Variants in POT1 observed in about 807,000 individuals in gnomAD.
POT1 encodes the protein protection of telomeres protein 1.
In POT1, 47 loss-of-function variants were observed where a neutral mutation model predicts 78.5. The observed-to-expected ratio is 0.60, with a 90% CI of 0.47 to 0.76. The LOEUF (loss-of-function observed/expected upper bound fraction) is 0.76, where lower values mean the gene tolerates loss of function less well. Among genes scored for constraint, POT1 ranks in the 30% least tolerant of loss-of-function variants. The pLI is 0.00. For missense variants in POT1, 646 were observed against 749.9 expected, an observed-to-expected ratio of 0.86 and a Z score of 1.62; for synonymous variants, 259 against 260.7, an observed-to-expected ratio of 0.99 and a Z score of 0.06.
chr7:124,902,529 T>G (rs1180411240), intron 3 of POT1, among the ~76,000 whole-genome samples: 1 of 152,086 alleles, frequency 6.6e-6, no homozygotes, highest in East Asian at 1.9e-4. Context: ...AAGGAAGCAC[T>G]AAACATGGAA....
At chr7:124,851,163 G>A (rs930828579) in intron 11 of POT1, among the ~76,000 whole-genome samples, 9 of 151,992 alleles carry the variant, frequency 5.9e-5, no homozygotes, top group Admixed American at 5.2e-4. Flanking sequence ...AGGCATGTTG[G>A]CATGTGCAGG....
At chr7:124,887,493 G>A (rs769402327) in intron 6 of POT1, among the ~76,000 whole-genome samples, 2 of 152,018 alleles carry the variant, frequency 1.3e-5, no homozygotes, top group South Asian at 2.1e-4. Flanking sequence ...TGACCAAAGA[G>A]TAGATTCCTA....
intron 6 of POT1, among the ~76,000 whole-genome samples, chr7:124,871,510 C>G (rs940156489): frequency 1.3e-5 from 2 of 151,954 alleles, no homozygotes; most frequent in Non-Finnish European, 2.9e-5. Context: ...GTAAATATGT[C>G]GTACAAATGA....
intron 6 of POT1, among the ~76,000 whole-genome samples, chr7:124,882,682 C>T (rs1440806672): frequency 8.0e-6 from 1 of 124,536 alleles, no homozygotes; most frequent in Non-Finnish European, 1.7e-5. Flanking sequence ...AAAGACTGTA[C>T]CACAAGTTTT....
At chr7:124,895,457 C>T (rs903306120) in intron 5 of POT1, among the ~76,000 whole-genome samples, 22 of 151,402 alleles carry the variant, frequency 1.5e-4, no homozygotes, top group African/African-American at 4.1e-4. Context: ...AGTTAACTAG[C>T]GGACAAAAAT....
intron 9 of POT1, 112 bp from the exon 10 acceptor site, chr7:124,853,250 A>T (rs991770578): frequency 1.3e-6 from 1 of 765,018 alleles, no homozygotes. Flanking sequence ...CCAGTCAGGA[A>T]ATATACTAAA....
intron 17 of POT1, among the ~76,000 whole-genome samples, chr7:124,826,738 T>G (rs1794638980): frequency 6.6e-6 from 1 of 152,052 alleles, no homozygotes; most frequent in South Asian, 2.1e-4. Context: ...GGCGTGGTGG[T>G]GCATACCTGC....
chr7:124,879,841 T>G (rs1796077652), intron 6 of POT1, among the ~76,000 whole-genome samples: 1 of 152,092 alleles, frequency 6.6e-6, no homozygotes, highest in Non-Finnish European at 1.5e-5. Flanking sequence ...ACATTAACGG[T>G]TTCATCTAAA....
chr7:124,834,428 G>A (rs1488358344), intron 15 of POT1, among the ~76,000 whole-genome samples: 4 of 152,074 alleles, frequency 2.6e-5, no homozygotes, highest in Non-Finnish European at 4.4e-5. Context: ...CAAAAAGTGG[G>A]TGAAGGATAT....
rs138901073 is a variant in POT1, at chr7:124,912,939, C to T, written c.-154+2635G>A. Among the ~76,000 whole-genome samples, 1,261 of 152,214 alleles carry T rather than the reference C, an allele frequency of 8.3e-3. 14 individuals are homozygous for T. The highest frequency in any genetic ancestry group is 0.026 in the African/African-American group (1,083 of 41,518). Reference sequence around the variant, plus strand: ...GACATACCCGACACTGGGCAATTTACGAAAGAAAGAGGTATATTGGCCTTA... The same window carrying T: ...GACATACCCGACACTGGGCAATTTATGAAAGAAAGAGGTATATTGGCCTTA... On this transcript the variant is annotated intron_variant, in intron 3 of 18. Coordinates refer to ENST00000357628, the MANE Select transcript of POT1 (RefSeq NM_015450.3).
At chr7:124,854,627 G>T (rs1314740481) in intron 9 of POT1, among the ~76,000 whole-genome samples, 1 of 151,646 alleles carries the variant, frequency 6.6e-6, no homozygotes, top group Non-Finnish European at 1.5e-5. Context: ...CCAATCAAGG[G>T]TTTTATAAGG....
rs1202302799 is a variant in POT1, at chr7:124,859,107, C to T, written c.552G>A (p.Trp184Ter). The T allele has an allele frequency of 6.3e-7, 1 of 1,583,572 alleles. No homozygotes were observed. The highest frequency in any genetic ancestry group is 1.2e-5 in the South Asian group (1 of 84,516). Residue 184 changes from tryptophan (W) to a stop codon, truncating the protein, a stop_gained, in exon 9 of 19, where the codon TGG (tryptophan) becomes TGA (stop). Transcript: ENST00000357628. LOFTEE classifies it high-confidence loss of function. ...ATGGAAATGGTGTCCTGGTGCCATC[C>T]CATACCTGCCATAAGAGAGTAGAGT... ...VDGASFLLKV[W>*]DGTRTPFPSW...
intron 6 of POT1, among the ~76,000 whole-genome samples, chr7:124,873,302 G>A (rs901585571): frequency 3.6e-4 from 55 of 152,154 alleles, no homozygotes; most frequent in African/African-American, 2.4e-4. Context: ...AATAGAGTGG[G>A]CATCTGTCTT....
chr7:124,868,751 T>C (rs942204238), intron 7 of POT1, among the ~76,000 whole-genome samples: 1 of 149,866 alleles, frequency 6.7e-6, no homozygotes. Flanking sequence ...TAATTCAATA[T>C]ATAAATATAT....
chr7:124,858,983 GGT>G lies in POT1; in HGVS notation c.674_675del (p.Asn225ThrfsTer15). 6.2e-7 allele frequency: 1 copy of G among 1,610,494 alleles called. No homozygotes were observed. On this transcript the variant is annotated frameshift_variant, in exon 9 of 19. Transcript: ENST00000357628. LOFTEE classifies it high-confidence loss of function. ...TTCAGAGATCTTGCCACATGAACAT[GGT>G]TATCGTAGACTAAAATGTCTATTGT... ...NLTIDILVYDNHVHVARSLKV... is the reference protein window; with the variant it reads ...NLTIDILVYDXHVHVARSLKV...
At chr7:124,880,351 A>G (rs956123771) in intron 6 of POT1, among the ~76,000 whole-genome samples, 2 of 152,088 alleles carry the variant, frequency 1.3e-5, no homozygotes, top group African/African-American at 2.4e-5. Context: ...TACTTTCGTA[A>G]ACTGTGAATA....
intron 7 of POT1, among the ~76,000 whole-genome samples, chr7:124,866,309 G>A (rs967546490): frequency 2.6e-5 from 4 of 152,084 alleles, no homozygotes; most frequent in Admixed American, 2.0e-4. Context: ...TACTTTTGGG[G>A]GGTGAAACCT....
intron 3 of POT1, among the ~76,000 whole-genome samples, chr7:124,902,386 A>T (rs1050066735): frequency 6.6e-6 from 1 of 152,234 alleles, no homozygotes; most frequent in East Asian, 1.9e-4. Flanking sequence ...ATTCTTAAAA[A>T]AAGAATTTTC....
intron 3 of POT1, among the ~76,000 whole-genome samples, chr7:124,910,041 T>G (rs901780815): frequency 2.0e-5 from 3 of 151,796 alleles, no homozygotes; most frequent in Non-Finnish European, 2.9e-5. Flanking sequence ...ACATACAGGC[T>G]TATCCATGCC....
Sources: allele counts gnomAD v4.1 joint callset (sites outside exome capture counted in the v4.1 genomes callset), GRCh38; gene constraint gnomAD v4.1.1; transcripts MANE v1.5; gene names NCBI Gene and HGNC (gene_info 2026-07-23, HGNC 2026-07-21).